The following PLCB1 variants were observed in gnomAD, a reference collection of about 807,000 sequenced individuals.
PLCB1 encodes phospholipase C beta 1, also known as 1-phosphatidylinositol 4,5-bisphosphate phosphodiesterase beta-1.
In PLCB1, 46 loss-of-function variants were observed where a neutral mutation model predicts 161.8. That is an observed-to-expected ratio of 0.28 (90% CI 0.22 to 0.36). PLCB1 has a LOEUF of 0.36. Among genes scored for constraint, PLCB1 ranks in the 10% least tolerant of loss-of-function variants. The probability of loss-of-function intolerance (pLI) is 1.00; values close to 1 mark genes in which losing one functional copy is unlikely to be tolerated. For missense variants in PLCB1, 1,016 were observed against 1,472.5 expected, an observed-to-expected ratio of 0.69 and a Z score of 5.07; for synonymous variants, 517 against 503.7, an observed-to-expected ratio of 1.03 and a Z score of -0.35.
chr20:8,290,665 T>G (rs546994623), intron 2 of PLCB1, among the ~76,000 whole-genome samples: 1 of 152,248 alleles, frequency 6.6e-6, no homozygotes, highest in East Asian at 1.9e-4. Context: ...CAAGGGGATA[T>G]AGACAGAGAA....
At chr20:8,353,956 C>T (rs557718114) in intron 2 of PLCB1, among the ~76,000 whole-genome samples, 2 of 150,856 alleles carry the variant, frequency 1.3e-5, no homozygotes, top group South Asian at 2.1e-4. Context: ...CTGTGACATA[C>T]ATGGAAATTC....
At chr20:8,171,156 T>C (rs2051728876) in intron 2 of PLCB1, among the ~76,000 whole-genome samples, 1 of 152,124 alleles carries the variant, frequency 6.6e-6, no homozygotes, top group Non-Finnish European at 1.5e-5. Context: ...TAGTATATGG[T>C]GCAACATTTT....
At chr20:8,716,479 A>C (rs1393201493) in intron 13 of PLCB1, 131 bp downstream of exon 13, 1 of 720,202 alleles carries the variant, frequency 1.4e-6, no homozygotes, top group Non-Finnish European at 2.5e-6. Context: ...GAAATCTTTG[A>C]CAAGGAGGAT....
At chr20:8,511,230 T>C (rs1983876966) in intron 3 of PLCB1, among the ~76,000 whole-genome samples, 1 of 152,154 alleles carries the variant, frequency 6.6e-6, no homozygotes, top group South Asian at 2.1e-4. Flanking sequence ...TATTTACTTA[T>C]CTTTCTCTAC....
intron 3 of PLCB1, among the ~76,000 whole-genome samples, chr20:8,420,144 G>A (rs1250608817): frequency 6.6e-6 from 1 of 152,106 alleles, no homozygotes; most frequent in Admixed American, 6.6e-5. Flanking sequence ...TAAAATCTGA[G>A]TAATAATTCC....
At chr20:8,842,455 CGA>C (rs1251273869) in intron 31 of PLCB1, among the ~76,000 whole-genome samples, 1 of 152,064 alleles carries the variant, frequency 6.6e-6, no homozygotes, top group Non-Finnish European at 1.5e-5. Flanking sequence ...TGTATTATTT[CGA>C]TTTGAACTTA....
intron 3 of PLCB1, among the ~76,000 whole-genome samples, chr20:8,413,987 C>T (rs114092704): frequency 0.012 from 1,787 of 152,274 alleles, 25 homozygotes; most frequent in East Asian, 0.037. Context: ...ATGGCCACTC[C>T]TGACTTCCTG....
At chr20:8,580,640 G>A (rs1180428628) in intron 3 of PLCB1, among the ~76,000 whole-genome samples, 1 of 152,230 alleles carries the variant, frequency 6.6e-6, no homozygotes, top group African/African-American at 2.4e-5. Flanking sequence ...ATGATTTACT[G>A]CACAACTACT....
intron 2 of PLCB1, among the ~76,000 whole-genome samples, chr20:8,160,693 A>G (rs1600207367): frequency 6.6e-6 from 1 of 152,196 alleles, no homozygotes; most frequent in South Asian, 2.1e-4. Context: ...GGGGAATTCA[A>G]GATGAGATTT....
intron 10 of PLCB1, among the ~76,000 whole-genome samples, chr20:8,688,825 C>T (rs546995327): frequency 6.4e-4 from 97 of 152,128 alleles, no homozygotes; most frequent in Admixed American, 2.5e-3. Context: ...TTTGGCTATG[C>T]GGGCTATTTT....
intron 1 of PLCB1, among the ~76,000 whole-genome samples, chr20:8,149,049 T>C (rs2051482741): frequency 6.6e-6 from 1 of 152,208 alleles, no homozygotes; most frequent in African/African-American, 2.4e-5. Context: ...GAAAGGCATA[T>C]TAGAAAAGAG....
At chr20:8,372,846 C>A (rs997275466) in intron 3 of PLCB1, among the ~76,000 whole-genome samples, 8 of 152,266 alleles carry the variant, frequency 5.3e-5, no homozygotes, top group Admixed American at 5.2e-4. Flanking sequence ...GCCTAACTTG[C>A]AATTTCAATA....
chr20:8,380,927 C>G (rs367979809), intron 3 of PLCB1, among the ~76,000 whole-genome samples: 4 of 152,064 alleles, frequency 2.6e-5, no homozygotes, highest in Non-Finnish European at 2.9e-5. Flanking sequence ...ATTTGAATAC[C>G]CTTTATTTCT....
chr20:8,478,852 G>A (rs1199438328), intron 3 of PLCB1, among the ~76,000 whole-genome samples: 1 of 151,988 alleles, frequency 6.6e-6, no homozygotes, highest in Admixed American at 6.6e-5. Context: ...TGTTAAGCAG[G>A]CTCTTTTCAT....
At chr20:8,218,578 T>C (rs1979251979) in intron 2 of PLCB1, among the ~76,000 whole-genome samples, 1 of 151,982 alleles carries the variant, frequency 6.6e-6, no homozygotes, top group Non-Finnish European at 1.5e-5. Context: ...ATTTTGAAGA[T>C]TAAATAAGTT....
intron 31 of PLCB1, among the ~76,000 whole-genome samples, chr20:8,841,162 C>T (rs1212347982): frequency 6.6e-6 from 1 of 152,114 alleles, no homozygotes; most frequent in Non-Finnish European, 1.5e-5. Flanking sequence ...CATATGCATG[C>T]ATAGCATCCT....
intron 31 of PLCB1, among the ~76,000 whole-genome samples, chr20:8,828,540 T>A (rs1005216279): frequency 7.2e-5 from 11 of 152,220 alleles, no homozygotes; most frequent in Admixed American, 3.9e-4. Context: ...AGCTCACTAA[T>A]AAGAGTACAT....
intron 2 of PLCB1, among the ~76,000 whole-genome samples, chr20:8,317,344 C>CA (rs1309407695): frequency 6.6e-6 from 1 of 152,058 alleles, no homozygotes; most frequent in African/African-American, 2.4e-5. Context: ...TGTCTGTAAT[C>CA]AAAGTCCCGT....
intron 3 of PLCB1, among the ~76,000 whole-genome samples, chr20:8,612,085 C>T (rs1200930045): frequency 1.3e-5 from 2 of 151,950 alleles, no homozygotes; most frequent in Non-Finnish European, 2.9e-5. Flanking sequence ...AGCATTTATC[C>T]CTTTGTCCTA....
Sources: allele counts gnomAD v4.1 joint callset (sites outside exome capture counted in the v4.1 genomes callset), GRCh38; gene constraint gnomAD v4.1.1; transcripts MANE v1.5; gene names NCBI Gene and HGNC (gene_info 2026-07-23, HGNC 2026-07-21).